Variants in INTS7 observed in about 807,000 individuals in gnomAD.
INTS7 encodes integrator complex subunit 7.
Under a neutral mutation model 109.2 loss-of-function variants are expected in INTS7, and 46 were observed. The ratio of observed to expected loss-of-function variants is 0.42; its 90% confidence interval spans 0.33 to 0.54. The LOEUF is 0.54. INTS7 is among the 20% of genes least tolerant of loss of function. INTS7 has a pLI of 0.07. For missense variants in INTS7, 929 were observed against 1,132.4 expected (o/e 0.82, Z 2.58); for synonymous variants, 412 against 402.9 (o/e 1.02, Z -0.27).
chr1:211,973,969 T>C (rs1295363877), intron 13 of INTS7, among the ~76,000 whole-genome samples: 2 of 152,146 alleles, frequency 1.3e-5, no homozygotes, highest in African/African-American at 4.8e-5. Flanking sequence ...TCTTCCTGTA[T>C]CAGAATTCAA....
In INTS7 at chr1:211,952,653, A is replaced by C; in HGVS notation, c.2232T>G (p.Tyr744Ter). Residue 744 changes from tyrosine to a stop codon, truncating the protein, a stop_gained, in exon 17 of 20, where the codon TAT (tyrosine) becomes TAG (stop). Transcript: ENST00000366994. LOFTEE classifies it high-confidence loss of function. ...STGTAHADSE[Y>*]ERRMMSVYNH... Reference sequence around the variant, plus strand: ...TATATACAGACATCATTCTTCTTTCATATTCACTATCAGCATGGGCTGTTC... The same window carrying C: ...TATATACAGACATCATTCTTCTTTCCTATTCACTATCAGCATGGGCTGTTC... The C allele has an allele frequency of 6.2e-7, 1 of 1,612,922 alleles. No homozygotes were observed. The highest frequency in any genetic ancestry group is 8.5e-7 in the Non-Finnish European group (1 of 1,179,124).
At chr1:211,993,130 T>C (rs960193265) in intron 7 of INTS7, among the ~76,000 whole-genome samples, 2 of 152,262 alleles carry the variant, frequency 1.3e-5, no homozygotes, top group Non-Finnish European at 2.9e-5. Flanking sequence ...AAAAATGTTA[T>C]GTTTGAAAGT....
At chr1:211,994,325 C>T (rs1665275637) in intron 7 of INTS7, among the ~76,000 whole-genome samples, 1 of 151,246 alleles carries the variant, frequency 6.6e-6, no homozygotes, top group Non-Finnish European at 1.5e-5. Context: ...TCAGTATTTT[C>T]AAAAATATAT....
At position 211,989,777 on chromosome 1, in the gene INTS7, G is replaced by A. The variant is rs982258244; in HGVS notation, c.880-1774C>T. Among the ~76,000 whole-genome samples, 11 of 149,568 alleles carry A rather than the reference G, an allele frequency of 7.4e-5. No individual in the cohort carries two copies. The East Asian group carries it at 7.8e-4, about 11-fold the overall frequency. The stretch of plus-strand genomic sequence containing the variant: ...ACAGAGGTTGCAGTGAGCCAAGATC[G>A]CGCCACTGTATTCCAGCCAGGGCGA... On this transcript the variant is annotated intron_variant, in intron 7 of 19. Coordinates refer to ENST00000366994, the MANE Select transcript of INTS7 (RefSeq NM_015434.4).
At chr1:212,001,185 G>A (rs1263317683) in intron 7 of INTS7, among the ~76,000 whole-genome samples, 1 of 150,780 alleles carries the variant, frequency 6.6e-6, no homozygotes, top group Non-Finnish European at 1.5e-5. Flanking sequence ...TCCTGCCTCA[G>A]CCTCCCAAAG....
At chr1:212,000,930 T>C (rs1665639552) in intron 7 of INTS7, among the ~76,000 whole-genome samples, 1 of 152,202 alleles carries the variant, frequency 6.6e-6, no homozygotes, top group South Asian at 2.1e-4. Flanking sequence ...GCCATTGCTG[T>C]TGCAATTCTT....
At chr1:212,012,429 C>T (rs1319998329) in intron 4 of INTS7, among the ~76,000 whole-genome samples, 1 of 152,052 alleles carries the variant, frequency 6.6e-6, no homozygotes, top group Non-Finnish European at 1.5e-5. Context: ...TCATTATTTC[C>T]GGGAGAAGAT....
intron 16 of INTS7, among the ~76,000 whole-genome samples, chr1:211,955,090 C>T (rs1663302879): frequency 6.6e-6 from 1 of 152,128 alleles, no homozygotes; most frequent in Non-Finnish European, 1.5e-5. Flanking sequence ...TTGTAGTTCT[C>T]CTTGAAGAGG....
chr1:212,000,191 A>G (rs1216966042), intron 7 of INTS7, among the ~76,000 whole-genome samples: 1 of 152,192 alleles, frequency 6.6e-6, no homozygotes, highest in Non-Finnish European at 1.5e-5. Context: ...TTTAAATCAA[A>G]GCTATTAGAA....
chr1:211,995,674 C>T (rs182514590), intron 7 of INTS7, among the ~76,000 whole-genome samples: 5 of 152,236 alleles, frequency 3.3e-5, no homozygotes, highest in Admixed American at 2.0e-4. Flanking sequence ...TGTGTCTCCC[C>T]GAAAATTCCT....
chr1:212,028,276 G>A (rs533480846), intron 1 of INTS7, among the ~76,000 whole-genome samples: 5 of 152,266 alleles, frequency 3.3e-5, no homozygotes, highest in East Asian at 3.9e-4. Flanking sequence ...TAAAGGTTTC[G>A]AACACACTGT....
At chr1:212,010,150 A>C (rs1233964797) in intron 5 of INTS7, among the ~76,000 whole-genome samples, 6 of 152,246 alleles carry the variant, frequency 3.9e-5, no homozygotes, top group African/African-American at 1.4e-4. Flanking sequence ...TAAAACGAAC[A>C]TAATGGTATT....
At chr1:211,972,698 GGA>G (rs1664234356) in intron 13 of INTS7, among the ~76,000 whole-genome samples, 1 of 152,154 alleles carries the variant, frequency 6.6e-6, no homozygotes, top group Non-Finnish European at 1.5e-5. Flanking sequence ...TAGTAGAAAG[GGA>G]GATCATTCTG....
At chr1:211,971,915 C>CA (rs745814699) in intron 13 of INTS7, among the ~76,000 whole-genome samples, 1,916 of 79,666 alleles carry the variant, frequency 0.024, 60 homozygotes, top group African/African-American at 0.06. Context: ...AACTCAGTCT[C>CA]AAAAAAAAAA....
At chr1:212,015,268 G>C (rs190771641) in intron 4 of INTS7, among the ~76,000 whole-genome samples, 2 of 152,190 alleles carry the variant, frequency 1.3e-5, no homozygotes, top group African/African-American at 4.8e-5. Flanking sequence ...GAATAGAAAA[G>C]GGGGAAATGT....
intron 1 of INTS7, chr1:212,025,641 G>C (rs1666883590): frequency 5.0e-6 from 1 of 201,570 alleles, no homozygotes. Flanking sequence ...CCAGAGAAGA[G>C]ACTGGAAAAC....
At chr1:211,970,259 A>G (rs777716300) in intron 13 of INTS7, among the ~76,000 whole-genome samples, 9 of 152,230 alleles carry the variant, frequency 5.9e-5, no homozygotes, top group Non-Finnish European at 1.2e-4. Context: ...TGGTAAGGCA[A>G]GCCAGGGTGG....
chr1:211,955,877 T>C lies in INTS7; in HGVS notation c.2184-3176A>G, dbSNP rs137901464. Reference sequence around the variant, plus strand: ...GGCTCCAAAGTTCTGTTTCCTGTTCTGTACTATATCTTAAGTTCTATTAAG... The same window carrying C: ...GGCTCCAAAGTTCTGTTTCCTGTTCCGTACTATATCTTAAGTTCTATTAAG... On this transcript the variant is annotated intron_variant, in intron 16 of 19. Transcript: ENST00000366994. Among the ~76,000 whole-genome samples the C allele has an allele frequency of 1.4e-4, 21 of 152,364 alleles. No individual in the cohort carries two copies. In the East Asian group the frequency reaches 3.9e-3, roughly 28 times the overall value.
rs1032884087 is a variant in INTS7, at chr1:212,016,990, C to G, written c.405G>C (p.Glu135Asp). ...GAATACTATGATGAGCATTCTTCCT[C>G]TCAGGAATTATTGATGCCAGACTTC... is the stretch of plus-strand genomic sequence containing the variant. ...MLGSLASIIP[E>D]RKNAHHSIRQ... is the part of the protein sequence containing the mutation. Residue 135 changes from glutamate to aspartate, a missense_variant, in exon 4 of 20, where the codon GAG (glutamate) becomes GAC (aspartate). Glu to Asp is a conservative substitution (Grantham distance 45, BLOSUM62 2). This residue lies in a region of INTS7 where 142 missense variants were observed against 231.4 expected (regional missense o/e 0.61). Coordinates refer to ENST00000366994, the MANE Select transcript of INTS7 (RefSeq NM_015434.4). The G allele has an allele frequency of 6.2e-7, 1 of 1,600,320 alleles. No individual in the cohort carries two copies. The highest frequency in any genetic ancestry group is 1.7e-5 in the Admixed American group (1 of 57,556).
Sources: allele counts gnomAD v4.1 joint callset (sites outside exome capture counted in the v4.1 genomes callset), GRCh38; gene constraint gnomAD v4.1.1; regional missense constraint gnomAD v4.1.1; transcripts MANE v1.5; gene names NCBI Gene and HGNC (gene_info 2026-07-23, HGNC 2026-07-21).